The following TBCD variants were observed in gnomAD, a reference collection of about 807,000 sequenced individuals.
The protein encoded by TBCD is tubulin-specific chaperone D.
Under a neutral mutation model 169.3 loss-of-function variants are expected in TBCD, and 105 were observed. The ratio of observed to expected loss-of-function variants is 0.62; its 90% CI spans 0.53 to 0.73. The LOEUF (loss-of-function observed/expected upper bound fraction) is 0.73. TBCD is among the 30% of genes least tolerant of loss of function. The pLI is 0.00. For missense variants in TBCD, 1,444 were observed against 1,600.1 expected, an observed-to-expected ratio of 0.90 and a Z score of 1.66; for synonymous variants, 700 against 643.9, an observed-to-expected ratio of 1.09 and a Z score of -1.32.
chr17:82,848,168 C>T (rs1228335050), intron 13 of TBCD, among the ~76,000 whole-genome samples: 10 of 152,274 alleles, frequency 6.6e-5, no homozygotes, highest in African/African-American at 9.6e-5. Flanking sequence ...GCACAGTCCC[C>T]GGCTCCTCCC....
rs1334083877 is a variant in TBCD at position 82,887,171 on chromosome 17, G to GCGCGCGCA, written c.1534-2490_1534-2489insACGCGCGC. Among the ~76,000 whole-genome samples the GCGCGCGCA allele has an allele frequency of 1.3e-3, 88 of 66,372 alleles. 1 individual carries two copies. Among genetic ancestry groups the GCGCGCGCA allele is most frequent in the African/African-American group, 8.1e-3 (84 of 10,316 alleles). The allele number at this position is 66,372 out of a possible 152,430, so 43.5% of individuals were successfully genotyped here. A position where few individuals can be genotyped will look rare whatever the true frequency, so the allele number is the denominator to read the frequency against. On this transcript the variant is annotated intron_variant, in intron 15 of 38. Coordinates refer to ENST00000355528, the MANE Select transcript of TBCD (RefSeq NM_005993.5). Reference sequence around the variant, plus strand: ...TGTGTGTGTGTGTGTGTGTGTGTGCGCGCGCGCGCACGTGCGCTCACGCGT... The same window carrying GCGCGCGCA: ...TGTGTGTGTGTGTGTGTGTGTGTGCGCGCGCGCACGCGCGCGCACGTGCGCTCACGCGT...
intron 13 of TBCD, among the ~76,000 whole-genome samples, chr17:82,828,561 A>C: frequency 1.7e-5 from 1 of 59,652 alleles, no homozygotes; most frequent in Admixed American, 2.0e-4. Flanking sequence ...GCCCCCCCCG[A>C]TTGCACACGT....
chr17:82,758,400 AAAATAAAT>A (rs1555672642), intron 2 of TBCD, among the ~76,000 whole-genome samples: 38 of 100,012 alleles, frequency 3.8e-4, no homozygotes, highest in East Asian at 9.4e-4. Context: ...AAAAAAAAAA[AAAATAAAT>A]AAATAAATAA....
At chr17:82,817,050 GT>G (rs1035615334) in intron 13 of TBCD, among the ~76,000 whole-genome samples, 1 of 152,150 alleles carries the variant, frequency 6.6e-6, no homozygotes, top group East Asian at 1.9e-4. Context: ...GTAAGTAAGA[GT>G]TTTTTTATGT....
chr17:82,887,168 T>TGTGTGTGTGTGCGTGCGCGCGCGC, intron 15 of TBCD, among the ~76,000 whole-genome samples: 1 of 126,102 alleles, frequency 7.9e-6, no homozygotes, highest in Non-Finnish European at 1.7e-5. Flanking sequence ...TGTGTGTGTG[T>TGTGTGTGTGTGCGTGCGCGCGCGC]GCGCGCGCGC....
At chr17:82,870,445 C>G in intron 14 of TBCD, 65 bp downstream of exon 14, 1 of 1,562,746 alleles carries the variant, frequency 6.4e-7, no homozygotes, top group Non-Finnish European at 8.7e-7. Flanking sequence ...GTGTCGTTTC[C>G]TCCATGAGAG....
chr17:82,931,797 T>C (rs2062234861), intron 33 of TBCD, among the ~76,000 whole-genome samples: 1 of 152,176 alleles, frequency 6.6e-6, no homozygotes, highest in Non-Finnish European at 1.5e-5. Flanking sequence ...TCCTTTTCTG[T>C]GGGGTAAATA....
intron 23 of TBCD, among the ~76,000 whole-genome samples, chr17:82,916,215 C>T (rs544418342): frequency 6.6e-6 from 1 of 152,068 alleles, no homozygotes; most frequent in Non-Finnish European, 1.5e-5. Context: ...GGCACCCTCT[C>T]GTTTGTTTAT....
rs1361038532 is a variant in TBCD, at chr17:82,832,849, T to C, written c.1318+17915T>C. Among the ~76,000 whole-genome samples the C allele has an allele frequency of 6.6e-6, 1 of 152,342 alleles. No homozygotes were observed. The highest frequency in any genetic ancestry group is 1.9e-4 in the East Asian group (1 of 5,174). ...TGACTCCCCACCGTGTTTTCTGTTT[T>C]CTGAGTCTGATCTGAAAGAGTCACC... is the stretch of plus-strand genomic sequence containing the variant. On this transcript the variant is annotated intron_variant, in intron 13 of 38. Transcript: ENST00000355528. The surrounding 1 kb of genome is among the most constrained non-coding windows in gnomAD (Gnocchi z 4.9).
chr17:82,859,524 C>T (rs2056593165), intron 13 of TBCD: 1 of 983,092 alleles, frequency 1.0e-6, no homozygotes, highest in East Asian at 1.1e-4. Flanking sequence ...CTTGTGTGTC[C>T]TGTTGGGTGA....
intron 13 of TBCD, among the ~76,000 whole-genome samples, chr17:82,824,285 C>G (rs1381769818): frequency 1.3e-5 from 2 of 151,244 alleles, no homozygotes; most frequent in African/African-American, 4.9e-5. Context: ...AGGTTCACGC[C>G]ATTCTCCTGC....
At chr17:82,791,819 G>A (rs913471861) in intron 7 of TBCD, among the ~76,000 whole-genome samples, 3 of 152,166 alleles carry the variant, frequency 2.0e-5, no homozygotes, top group Admixed American at 1.3e-4. Context: ...TGTGAACACC[G>A]TAGCGTGCAC....
At chr17:82,766,488 G>A (rs1261848474) in intron 4 of TBCD, 120 bp downstream of exon 4, 3 of 590,980 alleles carry the variant, frequency 5.1e-6, no homozygotes, top group Non-Finnish European at 8.9e-6. Flanking sequence ...CCTTTGTTTT[G>A]TGTCACTCCT....
In TBCD at chr17:82,758,400, A is replaced by AAAAAAAATAAAT. The variant is rs1035939621; in HGVS notation, c.235+2188_235+2189insAAAATAAATAAA. Among the ~76,000 whole-genome samples the AAAAAAAATAAAT allele has an allele frequency of 4.9e-3, 487 of 99,936 alleles. 4 individuals carry two copies. Among genetic ancestry groups the AAAAAAAATAAAT allele is most frequent in the South Asian group, 9.9e-3 (26 of 2,632 alleles). The allele number at this position is 99,936 out of a possible 152,430, so 65.6% of individuals were successfully genotyped here. On this transcript the variant is annotated intron_variant, in intron 2 of 38. Coordinates refer to ENST00000355528, the MANE Select transcript of TBCD (RefSeq NM_005993.5). ...AACGTCTCGGAAAAAAAAAAAAAAA[A>AAAAAAAATAAAT]AAATAAATAAATAAATAAATTTTTT...
At chr17:82,792,881 G>C (rs2049848301) in intron 7 of TBCD, among the ~76,000 whole-genome samples, 1 of 152,000 alleles carries the variant, frequency 6.6e-6, no homozygotes, top group Non-Finnish European at 1.5e-5. Flanking sequence ...TCCCCCCTCA[G>C]CCTCCTGAGT....
intron 5 of TBCD, among the ~76,000 whole-genome samples, chr17:82,771,613 T>G: frequency 6.6e-6 from 1 of 152,014 alleles, no homozygotes; most frequent in Non-Finnish European, 1.5e-5. Context: ...GAGACGGGGT[T>G]TTACCATATT....
intron 14 of TBCD, among the ~76,000 whole-genome samples, chr17:82,883,348 A>G (rs1354028151): frequency 6.6e-6 from 1 of 152,268 alleles, no homozygotes; most frequent in Non-Finnish European, 1.5e-5. Context: ...CTTAGAAAGG[A>G]TGATTGTCCT....
At chr17:82,830,015 GTTTT>G (rs869264041) in intron 13 of TBCD, 36 of 1,263,324 alleles carry the variant, frequency 2.8e-5, no homozygotes, top group Middle Eastern at 2.8e-4. Flanking sequence ...TTGTTTGTTT[GTTTT>G]TTTGAGAAGC....
chr17:82,865,664 C>A, intron 13 of TBCD: 1 of 507,396 alleles, frequency 2.0e-6, no homozygotes, highest in Non-Finnish European at 2.5e-6. Context: ...TTATGCCTGG[C>A]AGTGATGTTT....
Sources: gnomAD v4.1 joint callset for allele counts (sites outside exome capture counted in the v4.1 genomes callset) on GRCh38, gnomAD v4.1.1 for gene constraint, Gnocchi (gnomAD v3.1) non-coding constraint, MANE v1.5 for transcripts, NCBI Gene and HGNC (gene_info 2026-07-23, HGNC 2026-07-21) for gene names.